SMARCAL1: variants seen among roughly 807,000 people sequenced by gnomAD.
SMARCAL1 encodes SNF2 related chromatin remodeling annealing helicase 1.
In SMARCAL1, 58 loss-of-function variants were observed where a neutral mutation model predicts 94.5. That is an observed-to-expected ratio of 0.61 (90% confidence interval 0.50 to 0.76). The LOEUF (loss-of-function observed/expected upper bound fraction) is 0.76, where lower values mean the gene tolerates loss of function less well. SMARCAL1 is among the 30% of genes least tolerant of loss of function. The probability of loss-of-function intolerance (pLI) is 0.00; values close to 1 mark genes in which losing one functional copy is unlikely to be tolerated. For missense variants in SMARCAL1, 1,051 were observed against 1,177.9 expected (o/e 0.89, Z 1.58); for synonymous variants, 422 against 455.1 (o/e 0.93, Z 0.93).
intron 14 of SMARCAL1, among the ~76,000 whole-genome samples, chr2:216,474,377 TGATC>T (rs1695027242): frequency 7.3e-6 from 1 of 137,192 alleles, no homozygotes; most frequent in African/African-American, 2.7e-5. Flanking sequence ...TGACCTCAGG[TGATC>T]TACCTGCCTT....
intron 3 of SMARCAL1, chr2:216,415,808 T>C: frequency 2.1e-6 from 1 of 473,522 alleles, no homozygotes; most frequent in Admixed American, 3.7e-5. Context: ...TGAACAGCAG[T>C]TTTTTTGAAA....
chr2:216,426,875 C>T (rs1161651887), intron 6 of SMARCAL1, among the ~76,000 whole-genome samples: 1 of 152,170 alleles, frequency 6.6e-6, no homozygotes, highest in Admixed American at 6.5e-5. Flanking sequence ...AGTTAGTGAA[C>T]GTGTGCATAG....
intron 7 of SMARCAL1, among the ~76,000 whole-genome samples, chr2:216,432,382 C>T (rs1178047583): frequency 2.0e-5 from 3 of 152,216 alleles, no homozygotes; most frequent in African/African-American, 4.8e-5. Context: ...CCTCCATGTA[C>T]GTCCCCTGTG....
At position 216,483,033 on chromosome 2, in the gene SMARCAL1, A is replaced by G; in HGVS notation, c.*56A>G. 6.2e-7 allele frequency: 1 copy of G among 1,600,582 alleles called. No homozygotes were observed. The highest frequency in any genetic ancestry group is 8.5e-7 in the Non-Finnish European group (1 of 1,173,064). The stretch of plus-strand genomic sequence containing the variant: ...TTTAAAATCATGGAATTGAAATAAA[A>G]TAATGTATTTTGTTTTAAAACTTTT... On this transcript the variant is annotated 3_prime_UTR_variant, in exon 18 of 18. Transcript: ENST00000357276.
chr2:216,419,983 C>T (rs1214976798), intron 4 of SMARCAL1, among the ~76,000 whole-genome samples: 3 of 132,044 alleles, frequency 2.3e-5, no homozygotes, highest in Non-Finnish European at 4.6e-5. Context: ...GAGCCATGAT[C>T]ACGGCACTGC....
intron 12 of SMARCAL1, among the ~76,000 whole-genome samples, chr2:216,454,921 C>T (rs1240102069): frequency 7.2e-5 from 11 of 152,228 alleles, no homozygotes; most frequent in Admixed American, 4.6e-4. Flanking sequence ...ACCCAGGAAG[C>T]GCAAGGGGTC....
chr2:216,457,591 G>A (rs1407902477), intron 12 of SMARCAL1, among the ~76,000 whole-genome samples: 4 of 152,128 alleles, frequency 2.6e-5, no homozygotes, highest in African/African-American at 9.7e-5. Context: ...ATGACTACTG[G>A]GTACATAACG....
chr2:216,432,810 G>A lies in SMARCAL1; in HGVS notation c.1427G>A (p.Arg476Gln), dbSNP rs142164846. The A allele has an allele frequency of 7.6e-5, 123 of 1,614,078 alleles. No individual in the cohort carries two copies. The African/African-American group carries it at 9.2e-4, about 12-fold the overall frequency. ...IQAICIAAFY[R>Q]KEWPLLVVVP... is the part of the protein sequence containing the mutation. ...GCCATCTGCATCGCAGCCTTTTACC[G>A]GAAGGAGTGGCCGCTCCTGGTGGTG... Residue 476 changes from arginine to glutamine, a missense_variant, in exon 8 of 18, where the codon CGG (arginine) becomes CAG (glutamine). By Grantham distance (43) the Arg-to-Gln change is conservative (BLOSUM62 1). Transcript: ENST00000357276.
intron 12 of SMARCAL1, among the ~76,000 whole-genome samples, chr2:216,458,869 A>T (rs1011560586): frequency 6.6e-6 from 1 of 152,182 alleles, no homozygotes; most frequent in Non-Finnish European, 1.5e-5. Context: ...AGGGTATTCA[A>T]TTAGGAAAAG....
chr2:216,438,572 G>A, intron 10 of SMARCAL1, 87 bp downstream of exon 10: 3 of 1,155,876 alleles, frequency 2.6e-6, no homozygotes, highest in Non-Finnish European at 2.5e-6. Flanking sequence ...GTCCAGCAGG[G>A]GTTGCAAGTA....
intron 9 of SMARCAL1, among the ~76,000 whole-genome samples, chr2:216,436,332 A>G (rs1694081768): frequency 6.6e-6 from 1 of 152,174 alleles, no homozygotes; most frequent in East Asian, 1.9e-4. Flanking sequence ...ATATCTTTCA[A>G]TTGCAGGCTT....
chr2:216,423,322 A>G (rs1693764799), intron 5 of SMARCAL1, among the ~76,000 whole-genome samples: 1 of 152,190 alleles, frequency 6.6e-6, no homozygotes, highest in African/African-American at 2.4e-5. Flanking sequence ...TACAGTTACC[A>G]TCCCTGTCAC....
In SMARCAL1 at chr2:216,424,025, G is replaced by A. The variant is rs145908204; in HGVS notation, c.1147+342G>A. Among the ~76,000 whole-genome samples the A allele has an allele frequency of 5.9e-5, 9 of 152,282 alleles. No homozygotes were observed. The East Asian group carries it at 1.7e-3, about 29-fold the overall frequency. ...TGAGCTAGGATTGCTTAGCTTAGGT[G>A]GAAGTGACCATAGATTACTTCTAAG... On this transcript the variant is annotated intron_variant, in intron 6 of 17. Transcript: ENST00000357276.
chr2:216,442,707 G>T (rs558281962), intron 10 of SMARCAL1, among the ~76,000 whole-genome samples: 1 of 152,028 alleles, frequency 6.6e-6, no homozygotes, highest in Non-Finnish European at 1.5e-5. Flanking sequence ...GACTTCTACC[G>T]CATTCTTGCA....
intron 10 of SMARCAL1, among the ~76,000 whole-genome samples, chr2:216,440,107 A>G (rs1694166672): frequency 6.6e-6 from 1 of 152,076 alleles, no homozygotes; most frequent in South Asian, 2.1e-4. Flanking sequence ...TTTATATGTC[A>G]ATAGCCATTG....
chr2:216,480,984 G>T (rs1334861606), intron 17 of SMARCAL1, among the ~76,000 whole-genome samples: 1 of 152,148 alleles, frequency 6.6e-6, no homozygotes, highest in Non-Finnish European at 1.5e-5. Context: ...ACCAAGTGAT[G>T]TGGCCCAAGT....
At chr2:216,416,162 C>G in intron 3 of SMARCAL1, 95 bp from the exon 4 acceptor site, 1 of 1,046,136 alleles carries the variant, frequency 9.6e-7, no homozygotes, top group Non-Finnish European at 1.5e-6. Flanking sequence ...CTGTTTTGAA[C>G]TTGGCGTCCT....
intron 4 of SMARCAL1, among the ~76,000 whole-genome samples, chr2:216,419,562 T>G (rs1278555511): frequency 6.6e-6 from 1 of 152,176 alleles, no homozygotes; most frequent in Non-Finnish European, 1.5e-5. Context: ...TCCTTTGTTC[T>G]CTGAGCAGTA....
In SMARCAL1 at chr2:216,415,709, T is replaced by A. The variant is rs144306591; in HGVS notation, c.811+194T>A. On this transcript the variant is annotated intron_variant, in intron 3 of 17. Coordinates refer to ENST00000357276, the MANE Select transcript of SMARCAL1 (RefSeq NM_014140.4). ...CTTAAACAGCTGCCAAACTTGATGGTTGTCACGTGGCCATCTGGAGAACAG... is the reference window on the plus strand; with the variant it reads ...CTTAAACAGCTGCCAAACTTGATGGATGTCACGTGGCCATCTGGAGAACAG... Among the ~76,000 whole-genome samples, 810 of 152,370 alleles carry A rather than the reference T, an allele frequency of 5.3e-3. 5 individuals are homozygous for A. The highest frequency in any genetic ancestry group is 0.018 in the African/African-American group (761 of 41,594).
Sources: gnomAD v4.1 joint callset for allele counts (sites outside exome capture counted in the v4.1 genomes callset) on GRCh38, gnomAD v4.1.1 for gene constraint, MANE v1.5 for transcripts, NCBI Gene and HGNC (gene_info 2026-07-23, HGNC 2026-07-21) for gene names.